Variants in SERTAD2 observed in about 807,000 individuals in gnomAD.
SERTAD2 encodes SERTA domain-containing protein 2.
In SERTAD2, 2 loss-of-function variants were observed where a neutral mutation model predicts 15.4. The observed-to-expected ratio is 0.13, with a 90% CI of 0.05 to 0.41. The LOEUF (loss-of-function observed/expected upper bound fraction) is 0.41, where lower values mean the gene tolerates loss of function less well. Ranked by LOEUF, SERTAD2 falls within the 10% of genes least tolerant of loss-of-function variation. SERTAD2 has a pLI of 0.99. For missense variants in SERTAD2, 333 were observed against 409.7 expected (o/e 0.81, Z 1.62); for synonymous variants, 180 against 178.0 (o/e 1.01, Z -0.09).
chr2:64,651,988 GT>G (rs1675022164), intron 1 of SERTAD2, among the ~76,000 whole-genome samples: 1 of 147,450 alleles, frequency 6.8e-6, no homozygotes, highest in South Asian at 2.1e-4. Flanking sequence ...GGTGAAACAA[GT>G]AAAAAAAAAA....
rs758697162 is a variant in SERTAD2, at chr2:64,636,602, G to C, written c.270C>G (p.Ser90=). Residue 90 remains serine (S), a synonymous_variant, in exon 2 of 2, where the codon TCC becomes TCG. Coordinates refer to ENST00000313349, the MANE Select transcript of SERTAD2 (RefSeq NM_014755.3). ...TGTCGCTGGGCTCGGTGGTGGGCTG[G>C]GAGGAGGGGGTGAACATGGGCCTCA... ...GSLRPMFTPS[S]QPTTEPSDSY... is the part of the protein sequence containing the mutation. 1 of 1,608,470 alleles carries C rather than the reference G, an allele frequency of 6.2e-7. No individual in the cohort carries two copies. Among genetic ancestry groups the C allele is most frequent in the Non-Finnish European group, 8.5e-7 (1 of 1,176,246 alleles).
chr2:64,650,675 C>T (rs1308196445), intron 1 of SERTAD2, among the ~76,000 whole-genome samples: 1 of 152,206 alleles, frequency 6.6e-6, no homozygotes, highest in African/African-American at 2.4e-5. Flanking sequence ...AATAGCCACA[C>T]ATTTCTTAAA....
chr2:64,643,087 G>A (rs1188950876), intron 1 of SERTAD2, among the ~76,000 whole-genome samples: 1 of 152,186 alleles, frequency 6.6e-6, no homozygotes, highest in East Asian at 1.9e-4. Context: ...GGAGACACCT[G>A]GTCCTGCACC....
At chr2:64,640,443 A>T (rs1032241716) in intron 1 of SERTAD2, among the ~76,000 whole-genome samples, 1 of 151,038 alleles carries the variant, frequency 6.6e-6, no homozygotes, top group African/African-American at 2.4e-5. Context: ...GGCCAAGGTC[A>T]GGGTCGGCCC....
At chr2:64,641,309 G>A (rs1674772332) in intron 1 of SERTAD2, among the ~76,000 whole-genome samples, 1 of 152,188 alleles carries the variant, frequency 6.6e-6, no homozygotes, top group Non-Finnish European at 1.5e-5. Flanking sequence ...ACTTTTTGGG[G>A]CTTTGCAATT....
At chr2:64,646,477 C>G (rs1197059579) in intron 1 of SERTAD2, 1 of 151,854 alleles carries the variant, frequency 6.6e-6, no homozygotes, top group Non-Finnish European at 1.5e-5. Context: ...CAAGTTGGAA[C>G]TCTTTAAATT....
chr2:64,643,825 C>T (rs896556685), intron 1 of SERTAD2, among the ~76,000 whole-genome samples: 2 of 152,116 alleles, frequency 1.3e-5, no homozygotes, highest in African/African-American at 4.8e-5. Flanking sequence ...GAGATCGCGC[C>T]ACTGCACTCC....
At chr2:64,639,447 G>A (rs1177940569) in intron 1 of SERTAD2, among the ~76,000 whole-genome samples, 1 of 152,232 alleles carries the variant, frequency 6.6e-6, no homozygotes, top group Non-Finnish European at 1.5e-5. Context: ...AGGGAACCAA[G>A]AGAGCCCCTA....
chr2:64,642,706 C>T (rs1031652300), intron 1 of SERTAD2, among the ~76,000 whole-genome samples: 2 of 152,102 alleles, frequency 1.3e-5, no homozygotes, highest in African/African-American at 4.8e-5. Context: ...GTGGTTCCCT[C>T]GACAGACCCT....
At chr2:64,645,584 T>C (rs1169766788) in intron 1 of SERTAD2, among the ~76,000 whole-genome samples, 2 of 152,248 alleles carry the variant, frequency 1.3e-5, no homozygotes, top group Non-Finnish European at 2.9e-5. Context: ...TTGTCAAATA[T>C]AAACTTTTCT....
At position 64,636,554 on chromosome 2, in the gene SERTAD2, G is replaced by T; in HGVS notation, c.318C>A (p.Ala106=). ...PSDSYREAPP[A]FSHLASPSSH... Reference sequence around the variant, plus strand: ...AGGACGGGGACGCCAGGTGGCTGAAGGCCGGCGGGGCCTCTCGGTAGCTGT... The same window carrying T: ...AGGACGGGGACGCCAGGTGGCTGAATGCCGGCGGGGCCTCTCGGTAGCTGT... Residue 106 remains alanine, a synonymous_variant, in exon 2 of 2, where the codon GCC becomes GCA. Transcript: ENST00000313349. 1 of 1,596,790 alleles carries T rather than the reference G, an allele frequency of 6.3e-7. No homozygotes were observed. The highest frequency in any genetic ancestry group is 8.5e-7 in the Non-Finnish European group (1 of 1,169,824).
In SERTAD2 at chr2:64,632,952, G is replaced by A. The variant is rs1674569121; in HGVS notation, c.*2975C>T. 1 of 152,610 alleles carries A rather than the reference G, an allele frequency of 6.6e-6. No homozygotes were observed. Among genetic ancestry groups the A allele is most frequent in the South Asian group, 2.1e-4 (1 of 4,832 alleles). The allele number at this position is 152,610 out of a possible 1,614,324, so 9.5% of individuals were successfully genotyped here. A position where few individuals can be genotyped will look rare whatever the true frequency, so the allele number is the denominator to read the frequency against. On this transcript the variant is annotated 3_prime_UTR_variant, in exon 2 of 2. Coordinates refer to ENST00000313349, the MANE Select transcript of SERTAD2 (RefSeq NM_014755.3). ...CATCTTGTCACTTCATTGCACATCA[G>A]TGTCAATAACTGTCCTCTCCCAGCC...
At chr2:64,641,486 G>GCA (rs1558653710) in intron 1 of SERTAD2, among the ~76,000 whole-genome samples, 1 of 152,178 alleles carries the variant, frequency 6.6e-6, no homozygotes, top group African/African-American at 2.4e-5. Flanking sequence ...GCCCCCTAGG[G>GCA]CACAGACGGT....
intron 1 of SERTAD2, among the ~76,000 whole-genome samples, chr2:64,640,666 G>T (rs190491682): frequency 6.6e-6 from 1 of 152,108 alleles, no homozygotes; most frequent in Non-Finnish European, 1.5e-5. Flanking sequence ...TGGAGTTCAC[G>T]AAAGGGGGGC....
chr2:64,642,506 A>G (rs1017001361), intron 1 of SERTAD2, among the ~76,000 whole-genome samples: 1 of 150,156 alleles, frequency 6.7e-6, no homozygotes, highest in Non-Finnish European at 1.5e-5. Context: ...CTTTTTAAAA[A>G]TCTTTTTTTT....
At chr2:64,645,733 A>T (rs1573089464) in intron 1 of SERTAD2, among the ~76,000 whole-genome samples, 1 of 152,328 alleles carries the variant, frequency 6.6e-6, no homozygotes, top group Admixed American at 6.5e-5. Context: ...CTGGAAAGAG[A>T]ATAGGCTTTT....
intron 1 of SERTAD2, among the ~76,000 whole-genome samples, chr2:64,646,155 A>C (rs1383818195): frequency 2.6e-5 from 4 of 152,192 alleles, no homozygotes; most frequent in African/African-American, 2.4e-5. Flanking sequence ...AAACAAAAAA[A>C]AACCCAAAAC....
chr2:64,640,355 C>A (rs940828804), intron 1 of SERTAD2, among the ~76,000 whole-genome samples: 1 of 152,148 alleles, frequency 6.6e-6, no homozygotes, highest in Non-Finnish European at 1.5e-5. Flanking sequence ...AGAAAAGACA[C>A]GACATGCCCT....
chr2:64,647,851 G>A (rs1052006205), intron 1 of SERTAD2, among the ~76,000 whole-genome samples: 3 of 152,148 alleles, frequency 2.0e-5, no homozygotes, highest in African/African-American at 7.2e-5. Flanking sequence ...TAAAAGTAAA[G>A]TATGCTACTT....
Sources: gnomAD v4.1 joint callset for allele counts (sites outside exome capture counted in the v4.1 genomes callset) on GRCh38, gnomAD v4.1.1 for gene constraint, MANE v1.5 for transcripts, NCBI Gene and HGNC (gene_info 2026-07-23, HGNC 2026-07-21) for gene names.